The following EEF1G variants were observed in gnomAD, a reference collection of about 807,000 sequenced individuals.
The protein encoded by EEF1G is elongation factor 1-gamma.
In EEF1G, 14 loss-of-function variants were observed where a neutral mutation model predicts 58.3. That is an observed-to-expected ratio of 0.24 (90% CI 0.16 to 0.38). The LOEUF is 0.38. Ranked by LOEUF, EEF1G falls within the 10% of genes least tolerant of loss-of-function variation. The pLI, the probability that EEF1G is intolerant of heterozygous loss-of-function variation, is 1.00. For missense variants in EEF1G, 322 were observed against 550.1 expected (o/e 0.59, Z 4.15); for synonymous variants, 180 against 206.8 (o/e 0.87, Z 1.11).
intron 7 of EEF1G, among the ~76,000 whole-genome samples, chr11:62,562,246 G>A (rs998801895): frequency 1.3e-5 from 2 of 152,080 alleles, no homozygotes; most frequent in Non-Finnish European, 2.9e-5. Flanking sequence ...CTAAACCAAG[G>A]TATAAAAGTT....
At chr11:62,563,318 G>A (rs1219677982) in intron 7 of EEF1G, among the ~76,000 whole-genome samples, 1 of 151,948 alleles carries the variant, frequency 6.6e-6, no homozygotes, top group Non-Finnish European at 1.5e-5. Context: ...TGTATTTTTA[G>A]TAGAGACGGT....
intron 3 of EEF1G, 68 bp downstream of exon 3, chr11:62,571,770 C>T: frequency 1.9e-6 from 3 of 1,562,692 alleles, no homozygotes; most frequent in Admixed American, 1.9e-5. Context: ...TCCACCCCCG[C>T]TCACACTTAT....
intron 2 of EEF1G, 30 bp from the exon 3 acceptor site, chr11:62,571,931 A>G (rs1565262852): frequency 6.4e-7 from 1 of 1,553,140 alleles, no homozygotes; most frequent in Non-Finnish European, 8.7e-7. Flanking sequence ...AAGATAAGGT[A>G]AAACACACAA....
At position 62,571,868 on chromosome 11, in the gene EEF1G, C is replaced by T; in HGVS notation, c.205G>A (p.Val69Met). 1 of 1,588,178 alleles carries T rather than the reference C, an allele frequency of 6.3e-7. No homozygotes were observed. Among genetic ancestry groups the T allele is most frequent in the East Asian group, 2.3e-5 (1 of 43,962 alleles). The change falls in exon 3 of 10, where the codon GTG becomes ATG. Residue 69 changes from valine to methionine, a missense_variant. Transcript: ENST00000329251. Reference protein sequence around the residue: ...PAFEGDDGFCVFESNAIAYYV... With the variant: ...PAFEGDDGFCMFESNAIAYYV... ...TAGGCAATGGCGTTGCTCTCAAACA[C>T]ACAGAATCCATCATCACCCTCAAAT...
intron 5 of EEF1G, among the ~76,000 whole-genome samples, 189 bp downstream of exon 5, chr11:62,570,775 CA>C (rs769485049): frequency 3.9e-5 from 6 of 152,150 alleles, no homozygotes; most frequent in Non-Finnish European, 8.8e-5. Context: ...AGGCTGGTCT[CA>C]AACTCCTGAC....
chr11:62,571,252 C>T (rs1941627320), intron 4 of EEF1G, 144 bp from the exon 5 acceptor site: 2 of 1,337,298 alleles, frequency 1.5e-6, no homozygotes, highest in African/African-American at 2.9e-5. Flanking sequence ...ATCCTAGGGT[C>T]ATTCTAAATG....
chr11:62,566,548 A>G (rs1005414436), intron 7 of EEF1G, among the ~76,000 whole-genome samples: 2 of 152,198 alleles, frequency 1.3e-5, no homozygotes, highest in African/African-American at 4.8e-5. Flanking sequence ...CACTATATCA[A>G]AATCTGTTCC....
intron 7 of EEF1G, among the ~76,000 whole-genome samples, chr11:62,564,683 C>T (rs987908216): frequency 7.1e-6 from 1 of 141,652 alleles, no homozygotes; most frequent in African/African-American, 2.7e-5. Flanking sequence ...TGCTTGAACC[C>T]GGCAGGTGGA....
chr11:62,573,867 G>C lies in EEF1G; in HGVS notation c.-25C>G. The stretch of plus-strand genomic sequence containing the variant: ...TGGTGATTCCGCAAAGAAAGGGGGT[G>C]GGGTTCTCGGCGCTGCCGCAAAGTA... On this transcript the variant is annotated 5_prime_UTR_variant, in exon 1 of 10. Transcript: ENST00000329251. 1 of 1,613,664 alleles carries C rather than the reference G, an allele frequency of 6.2e-7. No homozygotes were observed. The highest frequency in any genetic ancestry group is 8.5e-7 in the Non-Finnish European group (1 of 1,179,856).
chr11:62,566,198 C>T (rs557821468), intron 7 of EEF1G, among the ~76,000 whole-genome samples: 7 of 152,286 alleles, frequency 4.6e-5, no homozygotes, highest in African/African-American at 1.4e-4. Flanking sequence ...TATATTATTT[C>T]TTCCAAGAAG....
chr11:62,563,134 T>A (rs900635518), intron 7 of EEF1G, among the ~76,000 whole-genome samples: 5 of 149,502 alleles, frequency 3.3e-5, no homozygotes, highest in Non-Finnish European at 7.4e-5. Flanking sequence ...CTTTTTTTTT[T>A]ATTTTTCCTT....
At chr11:62,573,789 G>A (rs755262453) in intron 1 of EEF1G, 42 bp downstream of exon 1, 3 of 1,613,236 alleles carry the variant, frequency 1.9e-6, no homozygotes, top group East Asian at 2.2e-5. Flanking sequence ...AAAGGATGGC[G>A]GTGGATAGGA....
intron 6 of EEF1G, 186 bp downstream of exon 6, chr11:62,567,213 T>C (rs1263347423): frequency 2.1e-6 from 2 of 932,540 alleles, no homozygotes; most frequent in Admixed American, 2.9e-5. Context: ...CGCAAATCTA[T>C]ATAGTAATAC....
intron 7 of EEF1G, among the ~76,000 whole-genome samples, chr11:62,565,069 T>C (rs1194435346): frequency 6.6e-6 from 1 of 150,406 alleles, no homozygotes; most frequent in Non-Finnish European, 1.5e-5. Context: ...TGAGACTCTG[T>C]CTCCAAACAA....
chr11:62,569,943 G>A (rs1352456297), intron 5 of EEF1G, among the ~76,000 whole-genome samples: 2 of 152,036 alleles, frequency 1.3e-5, no homozygotes, highest in African/African-American at 4.8e-5. Flanking sequence ...TGATTTTATA[G>A]ATTGCAAAGA....
At chr11:62,570,903 C>G in intron 5 of EEF1G, 62 bp downstream of exon 5, 1 of 1,607,010 alleles carries the variant, frequency 6.2e-7, no homozygotes, top group Non-Finnish European at 8.5e-7. Flanking sequence ...ACCTAGATAC[C>G]TCGTCACTTT....
intron 7 of EEF1G, among the ~76,000 whole-genome samples, chr11:62,562,241 CCAAGGTATAAAAGTTAGT>C (rs1941504305): frequency 6.6e-6 from 1 of 152,148 alleles, no homozygotes; most frequent in Non-Finnish European, 1.5e-5. Context: ...CCTTCCTAAA[CCAAGGTATAAAAGTTAGT>C]CAAGCCCCTT....
At chr11:62,568,000 C>T (rs1354800087) in intron 5 of EEF1G, among the ~76,000 whole-genome samples, 2 of 150,854 alleles carry the variant, frequency 1.3e-5, no homozygotes, top group Non-Finnish European at 1.5e-5. Context: ...ATCTCCGAGG[C>T]GGGCGGATCA....
chr11:62,571,930 T>TA, intron 2 of EEF1G, 29 bp from the exon 3 acceptor site: 1 of 1,555,262 alleles, frequency 6.4e-7, no homozygotes, highest in Non-Finnish European at 8.7e-7. Flanking sequence ...AAAGATAAGG[T>TA]AAAACACACA....
Sources: allele counts gnomAD v4.1 joint callset (sites outside exome capture counted in the v4.1 genomes callset), GRCh38; gene constraint gnomAD v4.1.1; transcripts MANE v1.5; gene names NCBI Gene and HGNC (gene_info 2026-07-23, HGNC 2026-07-21).